Variants in TRIM2 observed in about 807,000 individuals in gnomAD.
The protein encoded by TRIM2 is tripartite motif-containing protein 2.
Under a neutral mutation model 75.2 loss-of-function variants are expected in TRIM2, and 20 were observed. The ratio of observed to expected loss-of-function variants is 0.27; its 90% confidence interval spans 0.19 to 0.39. The LOEUF (loss-of-function observed/expected upper bound fraction) is 0.39, where lower values mean the gene tolerates loss of function less well. Among genes scored for constraint, TRIM2 ranks in the 10% least tolerant of loss-of-function variants. The pLI is 1.00. For missense variants in TRIM2, 660 were observed against 990.8 expected, an observed-to-expected ratio of 0.67 and a Z score of 4.48; for synonymous variants, 373 against 388.3, an observed-to-expected ratio of 0.96 and a Z score of 0.46.
chr4:153,275,930 C>T lies in TRIM2; in HGVS notation c.253C>T (p.Leu85Phe). The change falls in exon 3 of 12, where the codon CTC becomes TTC. Residue 85 changes from leucine to phenylalanine, a missense_variant. Leu to Phe is a conservative substitution (Grantham distance 22). Coordinates refer to ENST00000338700, the MANE Select transcript of TRIM2 (RefSeq NM_015271.5). ...CTACATTCCTGCCCACAGTTTAACC[C>T]TCTCCTGCCCAGTGTGCCGCCAGAC... ...QNYIPAHSLT[L>F]SCPVCRQTSI... The T allele has an allele frequency of 6.2e-7, 1 of 1,614,168 alleles. No individual in the cohort carries two copies. The highest frequency in any genetic ancestry group is 1.1e-5 in the South Asian group (1 of 91,080).
At chr4:153,239,672 GTCT>G (rs1206692012) in intron 1 of TRIM2, among the ~76,000 whole-genome samples, 16 of 152,180 alleles carry the variant, frequency 1.1e-4, no homozygotes, top group East Asian at 7.7e-4. Flanking sequence ...TTCTCGTTCT[GTCT>G]TCTTCTCTCT....
chr4:153,234,489 C>G (rs1172002805), intron 1 of TRIM2, among the ~76,000 whole-genome samples: 2 of 152,188 alleles, frequency 1.3e-5, no homozygotes, highest in Non-Finnish European at 2.9e-5. Context: ...ATATATGTAT[C>G]TATTACTGGA....
chr4:153,290,126 A>G (rs569312664), intron 3 of TRIM2, among the ~76,000 whole-genome samples: 1 of 152,360 alleles, frequency 6.6e-6, no homozygotes, highest in East Asian at 1.9e-4. Flanking sequence ...CTCAGCCTTG[A>G]TAGGAATTAT....
intron 1 of TRIM2, among the ~76,000 whole-genome samples, chr4:153,218,908 A>C (rs937320801): frequency 2.6e-5 from 4 of 152,196 alleles, no homozygotes; most frequent in Admixed American, 2.6e-4. Flanking sequence ...TCTTCCCTGA[A>C]TTCTCAAAAC....
chr4:153,174,931 G>C (rs1560786119), intron 1 of TRIM2, among the ~76,000 whole-genome samples: 1 of 152,178 alleles, frequency 6.6e-6, no homozygotes, highest in Non-Finnish European at 1.5e-5. Flanking sequence ...GCTTCCATTC[G>C]GGAGGCTTAG....
intron 1 of TRIM2, among the ~76,000 whole-genome samples, chr4:153,168,864 C>T (rs1730565051): frequency 6.6e-6 from 1 of 152,078 alleles, no homozygotes; most frequent in African/African-American, 2.4e-5. Context: ...ACTACTTCAG[C>T]TTAGGAGTTC....
chr4:153,285,752 T>TGTGTGC lies in TRIM2; in HGVS notation c.454-7225_454-7224insCGTGTG, dbSNP rs1491307227. On this transcript the variant is annotated intron_variant, in intron 3 of 11. Transcript: ENST00000338700. Reference sequence around the variant, plus strand: ...CATTTATTAGCTCTAATTGTGTGAATGTGTGTGCGTGTGTGTGTGTGTGTG... The same window carrying TGTGTGC: ...CATTTATTAGCTCTAATTGTGTGAATGTGTGCGTGTGTGCGTGTGTGTGTGTGTGTG... 7.9e-3 allele frequency among the ~76,000 whole-genome samples: 1,103 copies of TGTGTGC among 139,654 alleles called. 13 individuals carry two copies. Among genetic ancestry groups the TGTGTGC allele is most frequent in the African/African-American group, 0.031 (1,032 of 33,658 alleles). 91.6% of individuals were successfully genotyped at this position (139,654 alleles called of 152,430 possible).
chr4:153,189,608 G>A (rs1732975791), intron 1 of TRIM2, among the ~76,000 whole-genome samples: 1 of 152,162 alleles, frequency 6.6e-6, no homozygotes, highest in African/African-American at 2.4e-5. Flanking sequence ...GCTCGACTGA[G>A]GGAGGCCCCT....
At chr4:153,318,461 A>T (rs1441042238) in intron 8 of TRIM2, among the ~76,000 whole-genome samples, 1 of 152,212 alleles carries the variant, frequency 6.6e-6, no homozygotes. Context: ...GTTTCACTAG[A>T]AATTTAATGG....
chr4:153,311,936 T>A, intron 6 of TRIM2, among the ~76,000 whole-genome samples: 1 of 147,822 alleles, frequency 6.8e-6, no homozygotes, highest in Non-Finnish European at 1.5e-5. Flanking sequence ...TTATTATACT[T>A]TAAGTTTTAG....
intron 6 of TRIM2, among the ~76,000 whole-genome samples, chr4:153,297,144 G>A (rs954981481): frequency 1.3e-4 from 20 of 152,188 alleles, no homozygotes; most frequent in African/African-American, 4.8e-4. Flanking sequence ...TCTGTGGAAC[G>A]TTCTTGGGCA....
chr4:153,264,567 C>T (rs1306799506), intron 1 of TRIM2, among the ~76,000 whole-genome samples: 2 of 152,192 alleles, frequency 1.3e-5, no homozygotes, highest in African/African-American at 4.8e-5. Context: ...AGGAGACCAG[C>T]AAAGCATGTA....
chr4:153,213,442 C>T (rs79321286), intron 1 of TRIM2, among the ~76,000 whole-genome samples: 3,279 of 152,260 alleles, frequency 0.022, 117 homozygotes, highest in African/African-American at 0.074. Flanking sequence ...TTTGTCGAAT[C>T]GCTAACAAAG....
intron 11 of TRIM2, among the ~76,000 whole-genome samples, chr4:153,329,586 A>G (rs1770990182): frequency 6.6e-6 from 1 of 151,938 alleles, no homozygotes; most frequent in Non-Finnish European, 1.5e-5. Context: ...CTTTAATCCC[A>G]GCACTTTGGG....
At chr4:153,261,284 G>A (rs1401042081) in intron 1 of TRIM2, among the ~76,000 whole-genome samples, 2 of 152,158 alleles carry the variant, frequency 1.3e-5, no homozygotes, top group Non-Finnish European at 2.9e-5. Flanking sequence ...TTAGCTGGTT[G>A]TGGTGGGGTA....
intron 1 of TRIM2, among the ~76,000 whole-genome samples, chr4:153,181,968 C>A (rs1201152874): frequency 6.6e-6 from 1 of 152,146 alleles, no homozygotes; most frequent in Non-Finnish European, 1.5e-5. Context: ...AAAGACGTGA[C>A]TGGGTCCTAA....
chr4:153,247,995 GTTT>G (rs34416658), intron 1 of TRIM2, among the ~76,000 whole-genome samples: 46 of 128,698 alleles, frequency 3.6e-4, no homozygotes, highest in African/African-American at 6.3e-4. Context: ...TGGATCATGT[GTTT>G]TTTTTTTTTT....
chr4:153,181,559 C>T (rs1375025164), intron 1 of TRIM2, among the ~76,000 whole-genome samples: 1 of 152,180 alleles, frequency 6.6e-6, no homozygotes, highest in Non-Finnish European at 1.5e-5. Context: ...CATGCTGCCA[C>T]CTCCCAGGCT....
chr4:153,165,135 T>G (rs1730167561), intron 1 of TRIM2, among the ~76,000 whole-genome samples: 2 of 152,208 alleles, frequency 1.3e-5, no homozygotes, highest in African/African-American at 4.8e-5. Flanking sequence ...CAATTTGGAC[T>G]GGTTTTATTT....
Sources: gnomAD v4.1 joint callset for allele counts (sites outside exome capture counted in the v4.1 genomes callset) on GRCh38, gnomAD v4.1.1 for gene constraint, MANE v1.5 for transcripts, NCBI Gene and HGNC (gene_info 2026-07-23, HGNC 2026-07-21) for gene names.